EIF4ENIF1: variants seen among roughly 807,000 people sequenced by gnomAD.
EIF4ENIF1 encodes the protein eukaryotic translation initiation factor 4E transporter.
Under a neutral mutation model 110.5 loss-of-function variants are expected in EIF4ENIF1, and 23 were observed. That is an observed-to-expected ratio of 0.21 (90% CI 0.15 to 0.29). EIF4ENIF1 has a LOEUF of 0.29. EIF4ENIF1 is among the 10% of genes least tolerant of loss of function. The pLI, the probability that EIF4ENIF1 is intolerant of heterozygous loss-of-function variation, is 1.00. For synonymous variants in EIF4ENIF1, 440 were observed against 437.0 expected (o/e 1.01, Z -0.09); for missense variants, 1,031 against 1,221.1 (o/e 0.84, Z 2.32).
At chr22:31,473,062 G>C (rs1304548754) in intron 2 of EIF4ENIF1, among the ~76,000 whole-genome samples, 1 of 143,418 alleles carries the variant, frequency 7.0e-6, no homozygotes, top group Non-Finnish European at 1.5e-5. Context: ...ATATGAGCGA[G>C]CTTTTTTTTT....
rs750442715 is a variant in EIF4ENIF1, at chr22:31,463,143, TACATA to T, written c.586-15_586-11del. On this transcript the variant is annotated splice_polypyrimidine_tract_variant and intron_variant, in intron 5 of 18. Transcript: ENST00000330125. ...TATCTCCAAACTCTCTCTGGAAAAG[TACATA>T]AAGCAAGATTAAAAAATTTCTAGTC... The T allele has an allele frequency of 1.2e-6, 2 of 1,609,996 alleles. No homozygotes were observed. The highest frequency in any genetic ancestry group is 1.7e-6 in the Non-Finnish European group (2 of 1,178,860).
chr22:31,486,270 C>CA (rs374138027), intron 2 of EIF4ENIF1, among the ~76,000 whole-genome samples: 18 of 146,688 alleles, frequency 1.2e-4, no homozygotes, highest in Admixed American at 5.4e-4. Context: ...AACTCCGTCT[C>CA]AAAAAAAAAA....
chr22:31,453,156 A>G (rs956405002), intron 10 of EIF4ENIF1, among the ~76,000 whole-genome samples: 2 of 152,172 alleles, frequency 1.3e-5, no homozygotes, highest in African/African-American at 4.8e-5. Context: ...GTATCAAGAG[A>G]TAGTGATATT....
At position 31,489,811 on chromosome 22, in the gene EIF4ENIF1, G is replaced by C. The variant is rs559917321; in HGVS notation, c.-145C>G. The C allele has an allele frequency of 6.6e-6, 1 of 151,954 alleles. No homozygotes were observed. The highest frequency in any genetic ancestry group is 6.6e-5 in the Admixed American group (1 of 15,258). The allele number at this position is 151,954 out of a possible 1,614,324, so 9.4% of individuals were successfully genotyped here. ...CGCTCTCGCGCCCCCACCCCGACCG[G>C]CTTGGGCTGTCTCTCTTCAGCCGCC... On this transcript the variant is annotated 5_prime_UTR_variant, in exon 1 of 19. Transcript: ENST00000330125.
chr22:31,486,213 T>G (rs1159409237), intron 2 of EIF4ENIF1, among the ~76,000 whole-genome samples: 2 of 150,902 alleles, frequency 1.3e-5, no homozygotes, highest in African/African-American at 4.9e-5. Context: ...GAGACTGCAG[T>G]GAGCCGAGAT....
At chr22:31,456,264 C>T (rs1251024411) in intron 7 of EIF4ENIF1, among the ~76,000 whole-genome samples, 1 of 149,652 alleles carries the variant, frequency 6.7e-6, no homozygotes, top group Non-Finnish European at 1.5e-5. Flanking sequence ...CGCTCTGTCA[C>T]CCAGGCTGGA....
chr22:31,448,030 T>G, intron 13 of EIF4ENIF1, 123 bp downstream of exon 13: 9 of 1,060,414 alleles, frequency 8.5e-6, no homozygotes, highest in Non-Finnish European at 1.1e-5. Context: ...ATTACGGGCA[T>G]GAGCCACTAT....
chr22:31,465,241 T>G (rs1422282335), intron 4 of EIF4ENIF1, among the ~76,000 whole-genome samples: 2 of 149,194 alleles, frequency 1.3e-5, no homozygotes, highest in Admixed American at 1.4e-4. Context: ...GAGAATCGCT[T>G]AAACCTGGGA....
chr22:31,468,468 C>T (rs994664254), intron 3 of EIF4ENIF1, among the ~76,000 whole-genome samples, 166 bp from the exon 4 acceptor site: 1 of 152,126 alleles, frequency 6.6e-6, no homozygotes, highest in Non-Finnish European at 1.5e-5. Context: ...GATCTCAGCT[C>T]ACTGCACCCT....
chr22:31,473,843 T>C (rs184085958), intron 2 of EIF4ENIF1, among the ~76,000 whole-genome samples: 121 of 152,312 alleles, frequency 7.9e-4, no homozygotes, highest in Middle Eastern at 3.4e-3. Flanking sequence ...GGAGACACTT[T>C]AAAATCACCC....
chr22:31,484,751 T>C (rs544649471), intron 2 of EIF4ENIF1, among the ~76,000 whole-genome samples: 7 of 152,226 alleles, frequency 4.6e-5, no homozygotes, highest in African/African-American at 1.4e-4. Context: ...GGAGAATAGG[T>C]TGAACCTGGG....
At chr22:31,456,274 A>G (rs1002859950) in intron 7 of EIF4ENIF1, among the ~76,000 whole-genome samples, 1 of 142,294 alleles carries the variant, frequency 7.0e-6, no homozygotes, top group African/African-American at 2.7e-5. Context: ...CCCAGGCTGG[A>G]GTGCAGTGGC....
At chr22:31,479,072 C>G (rs969618271) in intron 2 of EIF4ENIF1, among the ~76,000 whole-genome samples, 1 of 150,896 alleles carries the variant, frequency 6.6e-6, no homozygotes, top group South Asian at 2.1e-4. Flanking sequence ...CTCTTCCAGT[C>G]TCTCGAAAGA....
At chr22:31,456,157 G>C (rs1051305110) in intron 7 of EIF4ENIF1, among the ~76,000 whole-genome samples, 170 bp from the exon 8 acceptor site, 2 of 151,690 alleles carry the variant, frequency 1.3e-5, no homozygotes. Flanking sequence ...TCCATCCTGG[G>C]TAATTTCTGA....
Position 31,463,661 on chromosome 22 carries a change from A to AAC in EIF4ENIF1, c.585+19_585+20insGT. 1 of 1,505,566 alleles carries AAC rather than the reference A, an allele frequency of 6.6e-7. No individual in the cohort carries two copies. The highest frequency in any genetic ancestry group is 1.4e-5 in the African/African-American group (1 of 70,260). The allele number at this position is 1,505,566 out of a possible 1,614,324, so 93.3% of individuals were successfully genotyped here. ...AACTCCGTCTCAATTTAAAAAAAAA[A>AAC]AAAAAAAAAAAAGACAAACCCTGAA... On this transcript the variant is annotated intron_variant, in intron 5 of 18. Coordinates refer to ENST00000330125, the MANE Select transcript of EIF4ENIF1 (RefSeq NM_019843.4).
intron 10 of EIF4ENIF1, chr22:31,450,579 C>G (rs2050615358): frequency 2.4e-6 from 1 of 418,448 alleles, no homozygotes; most frequent in Non-Finnish European, 4.5e-6. Flanking sequence ...AAAGTCCCCT[C>G]AGAGATCCTC....
In EIF4ENIF1 at chr22:31,440,087, T is replaced by C. The variant is rs2050245549; in HGVS notation, c.2751A>G (p.Ala917=). The change falls in exon 19 of 19, where the codon GCA becomes GCG. Residue 917 remains alanine, a synonymous_variant. Coordinates refer to ENST00000330125, the MANE Select transcript of EIF4ENIF1 (RefSeq NM_019843.4). ...GAGGGGTTGTCTGAACGCTGACAGC[T>C]GCTGCATGGGAACCAGAGCCTGGAG... ...LHPPGSGSHA[A]AVSVQTTPQN... 8.1e-6 allele frequency: 13 copies of C among 1,614,178 alleles called. No homozygotes were observed. The highest frequency in any genetic ancestry group is 9.3e-6 in the Non-Finnish European group (11 of 1,180,020).
intron 15 of EIF4ENIF1, 111 bp from the exon 16 acceptor site, chr22:31,443,205 T>G: frequency 6.9e-7 from 1 of 1,441,666 alleles, no homozygotes; most frequent in South Asian, 1.4e-5. Context: ...ATTGGTAGCA[T>G]AGGCCAACTG....
chr22:31,478,535 A>AAAAAAC (rs71202081), intron 2 of EIF4ENIF1, among the ~76,000 whole-genome samples: 1 of 150,736 alleles, frequency 6.6e-6, no homozygotes. Flanking sequence ...AAAAAAAAAA[A>AAAAAAC]TGCTGAGTGC....
Sources: gnomAD v4.1 joint callset for allele counts (sites outside exome capture counted in the v4.1 genomes callset) on GRCh38, gnomAD v4.1.1 for gene constraint, MANE v1.5 for transcripts, NCBI Gene and HGNC (gene_info 2026-07-23, HGNC 2026-07-21) for gene names.